The following EPHA8 variants were observed in gnomAD, a reference collection of about 807,000 sequenced individuals.
EPHA8 encodes ephrin type-A receptor 8.
In EPHA8, 58 loss-of-function variants were observed where a neutral mutation model predicts 103.6. The observed-to-expected ratio is 0.56, with a 90% CI of 0.45 to 0.70. The LOEUF (loss-of-function observed/expected upper bound fraction) is 0.70, where lower values mean the gene tolerates loss of function less well. Among genes scored for constraint, EPHA8 ranks in the 30% least tolerant of loss-of-function variants. The pLI, the probability that EPHA8 is intolerant of heterozygous loss-of-function variation, is 0.00. For missense variants in EPHA8, 1,304 were observed against 1,395.2 expected (o/e 0.93, Z 1.04); for synonymous variants, 559 against 572.5 (o/e 0.98, Z 0.34).
In EPHA8 at chr1:22,597,775, A is replaced by G; in HGVS notation, c.2030A>G (p.Gln677Arg). The change falls in exon 11 of 17, where the codon CAG (glutamine) becomes CGG (arginine). Residue 677 changes from glutamine (Q) to arginine (R), a missense_variant. Gln to Arg is a conservative substitution (Grantham distance 43). Coordinates refer to ENST00000166244, the MANE Select transcript of EPHA8 (RefSeq NM_020526.5). The surrounding 1 kb of genome is among the most constrained non-coding windows in gnomAD (Gnocchi z 4.6). ...KALKAGYTER[Q>R]RRDFLSEASI... ...CTCAAAGCCGGCTACACGGAGAGAC[A>G]GAGGCGGGACTTCCTGAGCGAGGCG... is the stretch of plus-strand genomic sequence containing the variant. 1 of 1,613,186 alleles carries G rather than the reference A, an allele frequency of 6.2e-7. No individual in the cohort carries two copies. Among genetic ancestry groups the G allele is most frequent in the Non-Finnish European group, 8.5e-7 (1 of 1,179,980 alleles).
intron 1 of EPHA8, among the ~76,000 whole-genome samples, chr1:22,568,676 C>T (rs1462644170): frequency 6.6e-6 from 1 of 152,260 alleles, no homozygotes; most frequent in African/African-American, 2.4e-5. Flanking sequence ...CGCTAAGCCC[C>T]TCCACACCAG....
Position 22,563,496 on chromosome 1 carries a change from C to T in EPHA8, c.-140C>T, listed in dbSNP as rs1342360426. The T allele has an allele frequency of 1.4e-5, 2 of 145,616 alleles. No homozygotes were observed. The highest frequency in any genetic ancestry group is 5.0e-5 in the African/African-American group (2 of 40,364). 9.0% of individuals were successfully genotyped at this position (145,616 alleles called of 1,614,324 possible). A position where few individuals can be genotyped will look rare whatever the true frequency, so the allele number is the denominator to read the frequency against. ...GCGGGCGCGGGTGCCCGCGTGTGCG[C>T]TGGGAGCCGCGTGTGCGCCGGGGTG... On this transcript the variant is annotated 5_prime_UTR_variant, in exon 1 of 17. Transcript: ENST00000166244. This position sits in a 1 kb window ranked among gnomAD's most constrained non-coding sequence, Gnocchi z 4.4.
chr1:22,586,111 A>C lies in EPHA8; in HGVS notation c.824-369A>C, dbSNP rs528238420. ...TCCCACGTAAGAACCAGTGTCCCAT[A>C]AAAGAGAGAAGGACAGCATCTCCAC... On this transcript the variant is annotated intron_variant, in intron 3 of 16. Coordinates refer to ENST00000166244, the MANE Select transcript of EPHA8 (RefSeq NM_020526.5). Among the ~76,000 whole-genome samples the C allele has an allele frequency of 3.9e-5, 6 of 152,276 alleles. No homozygotes were observed. In the East Asian group the frequency reaches 1.2e-3, roughly 29 times the overall value.
rs1349780212 is a variant in EPHA8, at chr1:22,567,893, G to A, written c.95-1396G>A. On this transcript the variant is annotated intron_variant, in intron 1 of 16. Transcript: ENST00000166244. The surrounding 1 kb of genome is among the most constrained non-coding windows in gnomAD (Gnocchi z 4.2). ...GGAAGGCAGAGTGAAAGGGAAAGCT[G>A]TGGGACTCTGGAGCCAAAAGCCCTC... is the stretch of plus-strand genomic sequence containing the variant. 6.6e-6 allele frequency among the ~76,000 whole-genome samples: 1 copy of A among 152,176 alleles called. No homozygotes were observed. Among genetic ancestry groups the A allele is most frequent in the Non-Finnish European group, 1.5e-5 (1 of 68,042 alleles).
At position 22,588,992 on chromosome 1, in the gene EPHA8, C is replaced by T; in HGVS notation, c.1101C>T (p.Arg367=). 1 of 1,613,410 alleles carries T rather than the reference C, an allele frequency of 6.2e-7. No individual in the cohort carries two copies. Among genetic ancestry groups the T allele is most frequent in the South Asian group, 1.1e-5 (1 of 91,024 alleles). The change falls in exon 5 of 17, where the codon CGC becomes CGT. Residue 367 remains arginine, a synonymous_variant. Transcript: ENST00000166244. ...RSDITYNAVC[R]RCPWALSRCE... ...ACATCACCTACAATGCCGTGTGCCG[C>T]CGCTGCCCCTGGGCACTGAGCCGCT...
chr1:22,602,070 G>C lies in EPHA8; in HGVS notation c.*329G>C, dbSNP rs185134038. ...TGCGTGCATGTGTGTGTGTGGTGGGGGGTGTTCTCACAAGGTCATGGGATC... is the reference window on the plus strand; with the variant it reads ...TGCGTGCATGTGTGTGTGTGGTGGGCGGTGTTCTCACAAGGTCATGGGATC... On this transcript the variant is annotated 3_prime_UTR_variant, in exon 17 of 17. Coordinates refer to ENST00000166244, the MANE Select transcript of EPHA8 (RefSeq NM_020526.5). 3.9e-4 allele frequency: 176 copies of C among 453,882 alleles called. 1 individual carries two copies. Among genetic ancestry groups the C allele is most frequent in the African/African-American group, 3.3e-3 (161 of 48,236 alleles). The allele number at this position is 453,882 out of a possible 1,614,324, so 28.1% of individuals were successfully genotyped here. A position where few individuals can be genotyped will look rare whatever the true frequency, so the allele number is the denominator to read the frequency against.
At position 22,597,977 on chromosome 1, in the gene EPHA8, C is replaced by A; in HGVS notation, c.2116+116C>A. ...CCCACCTGACCCTGTCCTCTTGGTT[C>A]AGGTCCCTGAATGACTCGGGGTGCC... On this transcript the variant is annotated intron_variant, in intron 11 of 16. Transcript: ENST00000166244. This position sits in a 1 kb window ranked among gnomAD's most constrained non-coding sequence, Gnocchi z 4.6. The A allele has an allele frequency of 6.8e-7, 1 of 1,472,816 alleles. No individual in the cohort carries two copies. The highest frequency in any genetic ancestry group is 9.3e-7 in the Non-Finnish European group (1 of 1,072,310). 91.2% of individuals were successfully genotyped at this position (1,472,816 alleles called of 1,614,324 possible).
intron 5 of EPHA8, among the ~76,000 whole-genome samples, chr1:22,592,311 C>T (rs2148257908): frequency 6.6e-6 from 1 of 152,272 alleles, no homozygotes; most frequent in Middle Eastern, 3.4e-3. Flanking sequence ...AAACAGTGGC[C>T]TCATCGAATC....
intron 3 of EPHA8, among the ~76,000 whole-genome samples, chr1:22,578,713 A>G (rs953200484): frequency 7.0e-6 from 1 of 143,604 alleles, no homozygotes. Flanking sequence ...GTGTATGTAT[A>G]TGCATGTGTG....
intron 3 of EPHA8, among the ~76,000 whole-genome samples, chr1:22,579,305 A>G (rs897295968): frequency 6.6e-6 from 1 of 150,950 alleles, no homozygotes; most frequent in Non-Finnish European, 1.5e-5. Context: ...ATGCATGTGT[A>G]CATGAGTGTA....
chr1:22,578,036 T>C (rs796241756), intron 3 of EPHA8, among the ~76,000 whole-genome samples: 12 of 85,628 alleles, frequency 1.4e-4, no homozygotes, highest in Admixed American at 1.2e-4. Flanking sequence ...TGTGCATGTG[T>C]ATGTATGTGC....
chr1:22,598,434 C>G lies in EPHA8; in HGVS notation c.2178+222C>G, dbSNP rs1641584700. ...CCTCTGCTCCATGGGATCCTGCTGC[C>G]CTGCACACAGGCTGAGGGGGGTGCC... On this transcript the variant is annotated intron_variant, in intron 12 of 16. Transcript: ENST00000166244. This position sits in a 1 kb window ranked among gnomAD's most constrained non-coding sequence, Gnocchi z 5.1. Among the ~76,000 whole-genome samples the G allele has an allele frequency of 6.6e-6, 1 of 152,214 alleles. No homozygotes were observed. Among genetic ancestry groups the G allele is most frequent in the Non-Finnish European group, 1.5e-5 (1 of 68,038 alleles).
chr1:22,578,116 GTGAGTGTATGCATGTGTGCA>G (rs1312986652), intron 3 of EPHA8, among the ~76,000 whole-genome samples: 3 of 71,324 alleles, frequency 4.2e-5, no homozygotes, highest in East Asian at 6.7e-4. Context: ...GCATGTGTGC[GTGAGTGTATGCATGTGTGCA>G]TGTGTGTATG....
intron 2 of EPHA8, among the ~76,000 whole-genome samples, chr1:22,571,414 AG>A (rs1640540978): frequency 6.6e-6 from 1 of 152,160 alleles, no homozygotes; most frequent in Non-Finnish European, 1.5e-5. Context: ...ATCATCAAGC[AG>A]GTTCCAGCTG....
At chr1:22,590,196 C>T (rs1641336572) in intron 5 of EPHA8, among the ~76,000 whole-genome samples, 2 of 152,110 alleles carry the variant, frequency 1.3e-5, no homozygotes, top group Non-Finnish European at 2.9e-5. Flanking sequence ...GAGCTATGTG[C>T]CCCGTGGTAG....
At chr1:22,568,195 ACC>A (rs1326893600) in intron 1 of EPHA8, among the ~76,000 whole-genome samples, 1 of 152,132 alleles carries the variant, frequency 6.6e-6, no homozygotes, top group African/African-American at 2.4e-5. Flanking sequence ...GGTACTATGA[ACC>A]CATTTTACAG....
chr1:22,578,328 G>A (rs1327477576), intron 3 of EPHA8, among the ~76,000 whole-genome samples: 1 of 151,450 alleles, frequency 6.6e-6, no homozygotes, highest in African/African-American at 2.4e-5. Context: ...ATGCATGTGT[G>A]CATGAGTGTA....
intron 3 of EPHA8, among the ~76,000 whole-genome samples, chr1:22,582,234 T>C (rs541833904): frequency 6.6e-6 from 1 of 152,342 alleles, no homozygotes; most frequent in South Asian, 2.1e-4. Context: ...GGCAGTTCTC[T>C]CAGCAAACAG....
chr1:22,584,401 G>A (rs771153876), intron 3 of EPHA8, among the ~76,000 whole-genome samples: 4 of 152,214 alleles, frequency 2.6e-5, no homozygotes, highest in Non-Finnish European at 5.9e-5. Flanking sequence ...CCCCCACTCT[G>A]CAACTTACAA....
Sources: gnomAD v4.1 joint callset for allele counts (sites outside exome capture counted in the v4.1 genomes callset) on GRCh38, gnomAD v4.1.1 for gene constraint, Gnocchi (gnomAD v3.1) non-coding constraint, MANE v1.5 for transcripts, NCBI Gene and HGNC (gene_info 2026-07-23, HGNC 2026-07-21) for gene names.